The following INPP5F variants were observed in gnomAD, a reference collection of about 807,000 sequenced individuals.
The protein encoded by INPP5F is phosphatidylinositide 4-phosphatase SAC2.
A neutral mutation model predicts 137.2 loss-of-function variants in INPP5F; 97 were observed. That is an observed-to-expected ratio of 0.71 (90% CI 0.60 to 0.84). The LOEUF is 0.84. Among genes scored for constraint, INPP5F ranks in the 40% least tolerant of loss-of-function variants. The pLI is 0.00. For synonymous variants in INPP5F, 504 were observed against 476.9 expected (o/e 1.06, Z -0.74); for missense variants, 1,271 against 1,371.9 (o/e 0.93, Z 1.16).
chr10:119,750,716 A>G (rs1156447091), intron 1 of INPP5F, among the ~76,000 whole-genome samples: 1 of 152,206 alleles, frequency 6.6e-6, no homozygotes, highest in Non-Finnish European at 1.5e-5. Context: ...GCAATTTCTT[A>G]GGCCCTGTCT....
In INPP5F at chr10:119,726,214, C is replaced by T. The variant is rs1847878164; in HGVS notation, c.-49C>T. The T allele has an allele frequency of 7.8e-7, 1 of 1,285,734 alleles. No individual in the cohort carries two copies. Among genetic ancestry groups the T allele is most frequent in the Non-Finnish European group, 1.0e-6 (1 of 975,560 alleles). 79.6% of individuals were successfully genotyped at this position (1,285,734 alleles called of 1,614,324 possible). A position where few individuals can be genotyped will look rare whatever the true frequency, so the allele number is the denominator to read the frequency against. ...TGGCGGCCTCGACCGACTAGGACGC[C>T]CCGTGCGCCGCCCGCGGGCCGCCGC... is the stretch of plus-strand genomic sequence containing the variant. On this transcript the variant is annotated 5_prime_UTR_variant, in exon 1 of 20. Transcript: ENST00000650623.
rs146865692 is a variant in INPP5F at position 119,729,078 on chromosome 10, T to C, written c.97+2719T>C. On this transcript the variant is annotated intron_variant, in intron 1 of 19. Coordinates refer to ENST00000650623, the MANE Select transcript of INPP5F (RefSeq NM_014937.4). Reference sequence around the variant, plus strand: ...CTAAGTTCTCTCTCAGTAATATCATTGCCTTAAAAATAAGATGTTGTATTA... The same window carrying C: ...CTAAGTTCTCTCTCAGTAATATCATCGCCTTAAAAATAAGATGTTGTATTA... Among the ~76,000 whole-genome samples, 174 of 151,834 alleles carry C rather than the reference T, an allele frequency of 1.1e-3. 2 individuals carry two copies. Among genetic ancestry groups the C allele is most frequent in the African/African-American group, 3.9e-3 (163 of 41,452 alleles).
chr10:119,808,613 T>C (rs1392656978), intron 13 of INPP5F, among the ~76,000 whole-genome samples: 1 of 152,138 alleles, frequency 6.6e-6, no homozygotes, highest in Non-Finnish European at 1.5e-5. Flanking sequence ...GCGGAAGAAA[T>C]GTTTTAGTTA....
At chr10:119,738,923 T>A (rs1356049516) in intron 1 of INPP5F, among the ~76,000 whole-genome samples, 1 of 152,090 alleles carries the variant, frequency 6.6e-6, no homozygotes, top group Admixed American at 6.5e-5. Context: ...GGCTCATGCC[T>A]GTAATCCCAG....
chr10:119,764,358 CACAA>C (rs768334247), intron 2 of INPP5F, among the ~76,000 whole-genome samples: 1 of 152,252 alleles, frequency 6.6e-6, no homozygotes, highest in Admixed American at 6.5e-5. Flanking sequence ...CACACACACA[CACAA>C]ACACACACAG....
intron 15 of INPP5F, chr10:119,815,577 C>T: frequency 4.2e-6 from 1 of 236,602 alleles, no homozygotes; most frequent in Non-Finnish European, 8.9e-6. Context: ...GATGTGTAAA[C>T]CAGTGTCTGA....
At chr10:119,814,309 C>T (rs996551640) in intron 15 of INPP5F, among the ~76,000 whole-genome samples, 1 of 152,114 alleles carries the variant, frequency 6.6e-6, no homozygotes, top group Non-Finnish European at 1.5e-5. Flanking sequence ...ATTGCTTGAA[C>T]CCGGCAGGCG....
intron 3 of INPP5F, 42 bp from the exon 4 acceptor site, chr10:119,791,475 C>T: frequency 1.3e-6 from 2 of 1,492,586 alleles, no homozygotes; most frequent in Non-Finnish European, 1.8e-6. Flanking sequence ...ATTTAACAAA[C>T]AGGTATTAGT....
At chr10:119,780,275 T>A (rs1253725079) in intron 2 of INPP5F, among the ~76,000 whole-genome samples, 1 of 151,806 alleles carries the variant, frequency 6.6e-6, no homozygotes, top group Non-Finnish European at 1.5e-5. Context: ...ATGCTTTGAT[T>A]TAATAATATA....
intron 12 of INPP5F, 132 bp from the exon 13 acceptor site, chr10:119,807,800 T>C (rs1850852695): frequency 2.6e-6 from 2 of 773,106 alleles, no homozygotes; most frequent in Middle Eastern, 5.4e-4. Context: ...TAAAAATGAG[T>C]CTGAAAAGAC....
At position 119,774,573 on chromosome 10, in the gene INPP5F, A is replaced by G. The variant is rs901922912; in HGVS notation, c.179-7062A>G. ...GATCTTGAACCCCTGGGCTCAAGCA[A>G]TCCCTCTGCCTTGGCCTCCCAAAGT... On this transcript the variant is annotated intron_variant, in intron 2 of 19. Coordinates refer to ENST00000650623, the MANE Select transcript of INPP5F (RefSeq NM_014937.4). 7.9e-5 allele frequency among the ~76,000 whole-genome samples: 12 copies of G among 151,588 alleles called. 1 individual carries two copies. Among genetic ancestry groups the G allele is most frequent in the African/African-American group, 1.9e-4 (8 of 41,138 alleles).
intron 9 of INPP5F, among the ~76,000 whole-genome samples, chr10:119,800,947 C>CAAAA (rs11365692): frequency 1.4e-5 from 1 of 73,852 alleles, no homozygotes; most frequent in African/African-American, 4.8e-5. Flanking sequence ...CACTCTGTCT[C>CAAAA]AAAAAAAAAA....
chr10:119,793,012 G>C (rs1244281865), intron 6 of INPP5F, among the ~76,000 whole-genome samples: 5 of 151,958 alleles, frequency 3.3e-5, no homozygotes, highest in Non-Finnish European at 5.9e-5. Flanking sequence ...TGCCTCTATG[G>C]AGAATGAGGC....
Position 119,827,433 on chromosome 10 carries a change from C to G in INPP5F, c.3052C>G (p.Leu1018Val). The change falls in exon 20 of 20, where the codon CTT (leucine) becomes GTT (valine). Residue 1018 changes from leucine (L) to valine (V), a missense_variant. By Grantham distance (32) the Leu-to-Val change is conservative (BLOSUM62 1). Around this residue, in one of 6 missense-constraint regions of INPP5F, gnomAD observed 490 missense variants for 443.7 expected, o/e 1.10. Coordinates refer to ENST00000650623, the MANE Select transcript of INPP5F (RefSeq NM_014937.4). ...PSRPSQLDVS[L>V]SATGPQFLSV... ...TCGGCCATCGCAATTAGATGTCTCT[C>G]TTTCTGCAACAGGCCCACAGTTTTT... The G allele has an allele frequency of 6.2e-7, 1 of 1,614,196 alleles. No individual in the cohort carries two copies. Among genetic ancestry groups the G allele is most frequent in the Non-Finnish European group, 8.5e-7 (1 of 1,180,028 alleles).
At chr10:119,819,336 A>G (rs543625183) in intron 15 of INPP5F, 46 of 1,190,330 alleles carry the variant, frequency 3.9e-5, no homozygotes, top group Admixed American at 1.3e-4. Context: ...ACATTTTCCG[A>G]CTGCCTGTTA....
rs11347174 is a variant in INPP5F, at chr10:119,821,864, C to CTT, written c.1959-547_1959-546dup. On this transcript the variant is annotated intron_variant, in intron 16 of 19. Transcript: ENST00000650623. ...TTAAAATATTTTAACCTTGTAGTTGCTTTTTTTTTTTTTTTTTTTTTGAGA... is the reference window on the plus strand; with the variant it reads ...TTAAAATATTTTAACCTTGTAGTTGCTTTTTTTTTTTTTTTTTTTTTTTGAGA... 2.5e-3 allele frequency among the ~76,000 whole-genome samples: 223 copies of CTT among 88,140 alleles called. 1 individual carries two copies. The highest frequency in any genetic ancestry group is 6.4e-3 in the South Asian group (13 of 2,020). The allele number at this position is 88,140 out of a possible 152,430, so 57.8% of individuals were successfully genotyped here. A position where few individuals can be genotyped will look rare whatever the true frequency, so the allele number is the denominator to read the frequency against.
intron 16 of INPP5F, among the ~76,000 whole-genome samples, chr10:119,821,748 C>CTG (rs1432346577): frequency 6.9e-6 from 1 of 145,270 alleles, no homozygotes; most frequent in Non-Finnish European, 1.5e-5. Context: ...CCGTCTCTTG[C>CTG]TCTGTGTGTG....
chr10:119,823,705 G>A, intron 18 of INPP5F, 110 bp from the exon 19 acceptor site: 1 of 683,064 alleles, frequency 1.5e-6, no homozygotes, highest in Non-Finnish European at 2.3e-6. Flanking sequence ...AAATAAATTT[G>A]TATTTAATTA....
Position 119,751,151 on chromosome 10 carries a change from A to T in INPP5F, c.173A>T (p.His58Leu), listed in dbSNP as rs1848680148. Residue 58 changes from histidine (H) to leucine (L), a missense_variant, in exon 2 of 20, where the codon CAT becomes CTT. His to Leu is a moderately conservative substitution (Grantham distance 99). This residue lies in a region of INPP5F where 109 missense variants were observed against 105.1 expected (regional missense o/e 1.04). Coordinates refer to ENST00000650623, the MANE Select transcript of INPP5F (RefSeq NM_014937.4). The stretch of plus-strand genomic sequence containing the variant: ...GGTGTTATTGGGAAAATTCAACTTC[A>T]TTCAGGTATGTTTCTATAAACTCCT... Reference protein sequence around the residue: ...VEGVIGKIQLHSDLPWWLILI... With the variant: ...VEGVIGKIQLLSDLPWWLILI... 1.3e-6 allele frequency: 2 copies of T among 1,592,658 alleles called. No homozygotes were observed. Among genetic ancestry groups the T allele is most frequent in the Non-Finnish European group, 1.7e-6 (2 of 1,160,516 alleles).
Sources: gnomAD v4.1 joint callset for allele counts (sites outside exome capture counted in the v4.1 genomes callset) on GRCh38, gnomAD v4.1.1 for gene constraint, gnomAD v4.1.1 regional missense constraint, MANE v1.5 for transcripts, NCBI Gene and HGNC (gene_info 2026-07-23, HGNC 2026-07-21) for gene names.